Variants in CFAP46 observed in about 807,000 individuals in gnomAD.
The protein encoded by CFAP46 is cilia and flagella associated protein 46.
CFAP46 carries 245 observed loss-of-function variants against 325.7 expected under a neutral mutation model. The observed-to-expected ratio is 0.75, with a 90% confidence interval of 0.68 to 0.84. CFAP46 has a LOEUF of 0.84. Among genes scored for constraint, CFAP46 ranks in the 40% least tolerant of loss-of-function variants. The probability of loss-of-function intolerance (pLI) is 0.00; values close to 1 mark genes in which losing one functional copy is unlikely to be tolerated. For missense variants in CFAP46, 3,346 were observed against 3,543.0 expected (o/e 0.94, Z 1.41); for synonymous variants, 1,523 against 1,495.9 (o/e 1.02, Z -0.42).
chr10:132,864,376 T>C (rs1249924136), intron 35 of CFAP46, among the ~76,000 whole-genome samples: 9 of 86,586 alleles, frequency 1.0e-4, no homozygotes, highest in African/African-American at 2.4e-4. Flanking sequence ...CTGTCCCCAG[T>C]GCCTGAGACC....
intron 20 of CFAP46, 123 bp from the exon 21 acceptor site, chr10:132,909,367 G>A (rs901460659): frequency 1.4e-5 from 10 of 700,472 alleles, no homozygotes; most frequent in South Asian, 5.2e-5. Flanking sequence ...AATTGGGAGC[G>A]TTTATACCTT....
intron 33 of CFAP46, among the ~76,000 whole-genome samples, chr10:132,867,835 T>A (rs1166364034): frequency 6.6e-6 from 1 of 152,038 alleles, no homozygotes; most frequent in Non-Finnish European, 1.5e-5. Flanking sequence ...ACCGGAAAGT[T>A]CGGAACCAAC....
chr10:132,834,077 T>C lies in CFAP46; in HGVS notation c.6913A>G (p.Lys2305Glu). 1 of 1,614,152 alleles carries C rather than the reference T, an allele frequency of 6.2e-7. No individual in the cohort carries two copies. The highest frequency in any genetic ancestry group is 1.7e-4 in the Middle Eastern group (1 of 6,060). Residue 2305 changes from lysine (K) to glutamate (E), a missense_variant, in exon 49 of 58, where the codon AAA (lysine) becomes GAA (glutamate). By Grantham distance (56) the Lys-to-Glu change is moderately conservative. Coordinates refer to ENST00000368586, the MANE Select transcript of CFAP46 (RefSeq NM_001200049.3). The stretch of plus-strand genomic sequence containing the variant: ...GTGGACGTTTTCCTCTCCTTGTCTT[T>C]GCCCTTCGACTTCCCTGAATCGGCA... Reference protein sequence around the residue: ...VVADSGKSKGKDKERKTSTGQ... With the variant: ...VVADSGKSKGEDKERKTSTGQ...
intron 25 of CFAP46, among the ~76,000 whole-genome samples, chr10:132,887,980 CT>C (rs146033452): frequency 2.1e-5 from 2 of 93,626 alleles, no homozygotes; most frequent in Admixed American, 9.5e-5. Flanking sequence ...CCGCTCCTCT[CT>C]CTCTCCTCTC....
chr10:132,852,009 C>T (rs1043069232), intron 39 of CFAP46, among the ~76,000 whole-genome samples: 3 of 152,116 alleles, frequency 2.0e-5, no homozygotes, highest in Non-Finnish European at 2.9e-5. Flanking sequence ...TGGTATGTTC[C>T]TCCATTTACT....
chr10:132,916,255 A>T (rs1210295394), intron 17 of CFAP46, among the ~76,000 whole-genome samples: 1 of 152,226 alleles, frequency 6.6e-6, no homozygotes, highest in Non-Finnish European at 1.5e-5. Context: ...GAGGGTGAGC[A>T]AGAGGGACAC....
At chr10:132,813,001 C>G (rs1398145496) in intron 54 of CFAP46, 104 bp from the exon 55 acceptor site, 1 of 791,936 alleles carries the variant, frequency 1.3e-6, no homozygotes, top group African/African-American at 1.7e-5. Context: ...CACGCCTGTC[C>G]CATTTGTGCA....
intron 24 of CFAP46, among the ~76,000 whole-genome samples, chr10:132,896,678 G>A (rs537454562): frequency 3.4e-4 from 51 of 152,232 alleles, no homozygotes; most frequent in Admixed American, 1.2e-3. Flanking sequence ...AGTATTCAAC[G>A]CAATCCCTAT....
Position 132,942,118 on chromosome 10 carries a change from G to C in CFAP46, c.50-14C>G. ...AGGACGCAGCATCTGTCCCAAACGG[G>C]TGGTTGAGGAAGGTTTGGTCACTGG... On this transcript the variant is annotated splice_polypyrimidine_tract_variant and intron_variant, in intron 1 of 57. Transcript: ENST00000368586. 6.4e-7 allele frequency: 1 copy of C among 1,551,466 alleles called. No individual in the cohort carries two copies. Among genetic ancestry groups the C allele is most frequent in the South Asian group, 1.2e-5 (1 of 84,050 alleles).
chr10:132,887,674 TCTCTC>T (rs1270089615), intron 25 of CFAP46, among the ~76,000 whole-genome samples: 11 of 101,186 alleles, frequency 1.1e-4, no homozygotes, highest in African/African-American at 3.5e-4. Flanking sequence ...TTCACCTCTC[TCTCTC>T]CTCTCCTCTC....
intron 24 of CFAP46, among the ~76,000 whole-genome samples, chr10:132,894,539 T>C (rs187108803): frequency 5.9e-5 from 9 of 152,240 alleles, no homozygotes; most frequent in African/African-American, 2.2e-4. Context: ...TAAAAGTTGG[T>C]TCTTCAAAAA....
In CFAP46 at chr10:132,847,584, C is replaced by T. The variant is rs1295714641; in HGVS notation, c.5953-263G>A. Reference sequence around the variant, plus strand: ...CTGCAGCCAGGGTGAGGACGCAGACCCCTGAGGAAGCCGGCCTGAGTCACG... The same window carrying T: ...CTGCAGCCAGGGTGAGGACGCAGACTCCTGAGGAAGCCGGCCTGAGTCACG... On this transcript the variant is annotated intron_variant, in intron 41 of 57. Transcript: ENST00000368586. The surrounding 1 kb of genome is among the most constrained non-coding windows in gnomAD (Gnocchi z 5.2). Among the ~76,000 whole-genome samples, 1 of 151,946 alleles carries T rather than the reference C, an allele frequency of 6.6e-6. No individual in the cohort carries two copies. The highest frequency in any genetic ancestry group is 2.4e-5 in the African/African-American group (1 of 41,358).
At chr10:132,937,322 G>A (rs111470418) in intron 6 of CFAP46, 23 of 560,180 alleles carry the variant, frequency 4.1e-5, no homozygotes, top group African/African-American at 2.5e-4. Context: ...AAAGAGCGAC[G>A]ATAAAGGCAA....
At chr10:132,891,598 A>G (rs1457326616) in intron 25 of CFAP46, among the ~76,000 whole-genome samples, 1 of 152,246 alleles carries the variant, frequency 6.6e-6, no homozygotes, top group African/African-American at 2.4e-5. Flanking sequence ...GAAAATCCAC[A>G]TGCTGTGGAG....
chr10:132,821,230 CTGATGTGTGCTGTG>C (rs1847810997), intron 50 of CFAP46, among the ~76,000 whole-genome samples: 2 of 111,326 alleles, frequency 1.8e-5, no homozygotes, highest in African/African-American at 3.6e-5. Flanking sequence ...TGTGTGTGTG[CTGATGTGTGCTGTG>C]TGTGTGCTGT....
At chr10:132,938,476 G>A in intron 5 of CFAP46, 113 bp downstream of exon 5, 1 of 1,017,628 alleles carries the variant, frequency 9.8e-7, no homozygotes, top group Non-Finnish European at 1.5e-6. Flanking sequence ...CGCACATGGA[G>A]TGTGCCCCAG....
chr10:132,880,730 C>T (rs990139517), intron 28 of CFAP46, 131 bp downstream of exon 28: 14 of 1,109,808 alleles, frequency 1.3e-5, no homozygotes, highest in African/African-American at 9.4e-5. Flanking sequence ...CGCTGAGACA[C>T]GTCAGGGGCT....
chr10:132,935,202 TC>T (rs1415093970), intron 7 of CFAP46, among the ~76,000 whole-genome samples: 2 of 152,012 alleles, frequency 1.3e-5, no homozygotes, highest in East Asian at 3.9e-4. Context: ...CATTGCTCTC[TC>T]CCAGGGATGC....
chr10:132,869,354 G>C lies in CFAP46; in HGVS notation c.4530C>G (p.Ser1510=), dbSNP rs570925725. 1.0e-4 allele frequency: 154 copies of C among 1,534,846 alleles called. 1 individual carries two copies. The South Asian group carries it at 1.7e-3, about 17-fold the overall frequency. The change falls in exon 33 of 58, where the codon TCC becomes TCG. Residue 1510 remains serine (S), a synonymous_variant. Transcript: ENST00000368586. This position sits in a 1 kb window ranked among gnomAD's most constrained non-coding sequence, Gnocchi z 6.2. ...LYHLRLAHAC[S]ELKLREAAAR... Reference sequence around the variant, plus strand: ...CGGCTGCTTCTCTCAGCTTCAGCTCGGAGCACGCGTGGGCGAGGCTGTGGG... The same window carrying C: ...CGGCTGCTTCTCTCAGCTTCAGCTCCGAGCACGCGTGGGCGAGGCTGTGGG...
Sources: gnomAD v4.1 joint callset for allele counts (sites outside exome capture counted in the v4.1 genomes callset) on GRCh38, gnomAD v4.1.1 for gene constraint, Gnocchi (gnomAD v3.1) non-coding constraint, MANE v1.5 for transcripts, NCBI Gene and HGNC (gene_info 2026-07-23, HGNC 2026-07-21) for gene names.